Variants in CADM2 observed in about 807,000 individuals in gnomAD.
The protein encoded by CADM2 is cell adhesion molecule 2, also known as immunoglobulin superfamily member 4D.
Under a neutral mutation model 49.8 loss-of-function variants are expected in CADM2, and 12 were observed. That is an observed-to-expected ratio of 0.24 (90% CI 0.15 to 0.39). The LOEUF (loss-of-function observed/expected upper bound fraction) is 0.39, where lower values mean the gene tolerates loss of function less well. Ranked by LOEUF, CADM2 falls within the 10% of genes least tolerant of loss-of-function variation. The pLI is 1.00. For missense variants in CADM2, 378 were observed against 492.3 expected, an observed-to-expected ratio of 0.77 and a Z score of 2.20; for synonymous variants, 214 against 175.4, an observed-to-expected ratio of 1.22 and a Z score of -1.74.
chr3:85,475,007 A>C (rs2038920403), intron 1 of CADM2, among the ~76,000 whole-genome samples: 1 of 151,912 alleles, frequency 6.6e-6, no homozygotes, highest in Admixed American at 6.6e-5. Flanking sequence ...CACAATCATG[A>C]AACTCTCAGA....
At chr3:85,289,465 A>G (rs914627354) in intron 1 of CADM2, among the ~76,000 whole-genome samples, 2 of 152,218 alleles carry the variant, frequency 1.3e-5, no homozygotes, top group African/African-American at 4.8e-5. Flanking sequence ...TAGACTGTTA[A>G]GATAAGAAAT....
At chr3:85,894,201 C>T (rs572772983) in intron 5 of CADM2, among the ~76,000 whole-genome samples, 1 of 152,246 alleles carries the variant, frequency 6.6e-6, no homozygotes, top group African/African-American at 2.4e-5. Flanking sequence ...TTTGTAGGGA[C>T]ATGGATGAAG....
Position 86,066,906 on chromosome 3 carries a change from A to C in CADM2, c.*123A>C, listed in dbSNP as rs73845724. The C allele has an allele frequency of 4.6e-3, 3,192 of 696,604 alleles. 75 individuals carry two copies. In the African/African-American group the frequency reaches 0.05, roughly 11 times the overall value. The allele number at this position is 696,604 out of a possible 1,614,324, so 43.2% of individuals were successfully genotyped here. ...TTATTAACTCCCATACTGTACTGCT[A>C]TCAGTAGCCAGTGTATACCAACAAT... is the stretch of plus-strand genomic sequence containing the variant. On this transcript the variant is annotated 3_prime_UTR_variant, in exon 10 of 10. Coordinates refer to ENST00000383699, the MANE Select transcript of CADM2 (RefSeq NM_001167675.2).
At chr3:85,107,676 C>A (rs191620573) in intron 1 of CADM2, among the ~76,000 whole-genome samples, 1 of 114,258 alleles carries the variant, frequency 8.8e-6, no homozygotes, top group Admixed American at 9.5e-5. Flanking sequence ...TCCTTCCTTC[C>A]TTCTTTCTCT....
At chr3:85,343,149 C>T (rs2030115804) in intron 1 of CADM2, among the ~76,000 whole-genome samples, 2 of 152,092 alleles carry the variant, frequency 1.3e-5, no homozygotes, top group African/African-American at 4.8e-5. Context: ...GATGCTGTTA[C>T]ACATTGCACG....
intron 1 of CADM2, among the ~76,000 whole-genome samples, chr3:85,066,468 T>C (rs1338871781): frequency 6.6e-6 from 1 of 152,086 alleles, no homozygotes; most frequent in Non-Finnish European, 1.5e-5. Context: ...ATGTTTTGAC[T>C]TTATGACATG....
At chr3:85,406,766 CT>C in intron 1 of CADM2, among the ~76,000 whole-genome samples, 1 of 152,244 alleles carries the variant, frequency 6.6e-6, no homozygotes, top group East Asian at 1.9e-4. Context: ...ATATTGTTCG[CT>C]TGTTTTCACT....
chr3:85,013,065 A>G (rs183179620), intron 1 of CADM2, among the ~76,000 whole-genome samples: 109 of 151,914 alleles, frequency 7.2e-4, no homozygotes, highest in African/African-American at 2.6e-3. Flanking sequence ...ACTTACACAT[A>G]ACACTTATTA....
intron 1 of CADM2, among the ~76,000 whole-genome samples, chr3:85,045,558 T>A (rs1459732509): frequency 6.6e-6 from 1 of 152,148 alleles, no homozygotes; most frequent in African/African-American, 2.4e-5. Context: ...AGATTTTGTG[T>A]ATACTTTATA....
chr3:85,690,978 C>A (rs1466484845), intron 1 of CADM2, among the ~76,000 whole-genome samples: 2 of 152,168 alleles, frequency 1.3e-5, no homozygotes, highest in African/African-American at 4.8e-5. Flanking sequence ...ATATTGTTAA[C>A]CATAGTCACT....
At chr3:85,993,458 A>G (rs956672478) in intron 8 of CADM2, 1 of 151,824 alleles carries the variant, frequency 6.6e-6, no homozygotes, top group African/African-American at 2.4e-5. Flanking sequence ...CTTCTTCCAA[A>G]CTCCTGCCAG....
chr3:85,511,821 G>T (rs891382119), intron 1 of CADM2: 2 of 946,232 alleles, frequency 2.1e-6, no homozygotes, highest in Non-Finnish European at 2.5e-6. Flanking sequence ...ATATCCCTTT[G>T]AAACTAATGG....
At chr3:85,678,254 G>A (rs887823968) in intron 1 of CADM2, among the ~76,000 whole-genome samples, 2 of 152,158 alleles carry the variant, frequency 1.3e-5, no homozygotes, top group Non-Finnish European at 2.9e-5. Context: ...GGTAGACAAT[G>A]AGCTGTGTCA....
chr3:85,108,671 A>G (rs1393753153), intron 1 of CADM2, among the ~76,000 whole-genome samples: 1 of 152,156 alleles, frequency 6.6e-6, no homozygotes, highest in Non-Finnish European at 1.5e-5. Flanking sequence ...TAAACTTTAT[A>G]TTATGTATAT....
chr3:85,145,535 C>T (rs1347463370), intron 1 of CADM2, among the ~76,000 whole-genome samples: 1 of 150,906 alleles, frequency 6.6e-6, no homozygotes, highest in East Asian at 2.0e-4. Flanking sequence ...ACTGGCTTTT[C>T]AGGATTATCA....
chr3:85,107,072 A>G (rs1171836147), intron 1 of CADM2, among the ~76,000 whole-genome samples: 1 of 152,154 alleles, frequency 6.6e-6, no homozygotes, highest in Non-Finnish European at 1.5e-5. Flanking sequence ...CACAAGGAAG[A>G]TACAGTGTCA....
At chr3:85,793,443 G>T (rs948831967) in intron 2 of CADM2, among the ~76,000 whole-genome samples, 1 of 152,148 alleles carries the variant, frequency 6.6e-6, no homozygotes, top group East Asian at 1.9e-4. Flanking sequence ...TGGGGAAAAA[G>T]CTAAAAATAC....
chr3:85,892,223 A>G (rs1394458201), intron 5 of CADM2, among the ~76,000 whole-genome samples: 1 of 152,228 alleles, frequency 6.6e-6, no homozygotes, highest in Admixed American at 6.5e-5. Flanking sequence ...ATAACTTTCA[A>G]GTGAACTTGG....
At chr3:85,264,012 T>G (rs991836599) in intron 1 of CADM2, among the ~76,000 whole-genome samples, 2 of 152,100 alleles carry the variant, frequency 1.3e-5, no homozygotes, top group Non-Finnish European at 2.9e-5. Context: ...ACTTTATTCA[T>G]AGGGAAAATG....
Sources: gnomAD v4.1 joint callset for allele counts (sites outside exome capture counted in the v4.1 genomes callset) on GRCh38, gnomAD v4.1.1 for gene constraint, MANE v1.5 for transcripts, NCBI Gene and HGNC (gene_info 2026-07-23, HGNC 2026-07-21) for gene names.